Variants in COL24A1 observed in about 807,000 individuals in gnomAD.
COL24A1 encodes collagen alpha-1(XXIV) chain.
In COL24A1, 224 loss-of-function variants were observed where a neutral mutation model predicts 253.9. That is an observed-to-expected ratio of 0.88 (90% CI 0.79 to 0.99). The LOEUF is 0.99. COL24A1 is among the 50% of genes least tolerant of loss of function. The probability of loss-of-function intolerance (pLI) is 0.00; values close to 1 mark genes in which losing one functional copy is unlikely to be tolerated. For synonymous variants in COL24A1, 685 were observed against 673.7 expected (o/e 1.02, Z -0.26); for missense variants, 2,131 against 2,068.5 (o/e 1.03, Z -0.59).
At chr1:85,968,010 G>T (rs1452310563) in intron 22 of COL24A1, among the ~76,000 whole-genome samples, 2 of 152,142 alleles carry the variant, frequency 1.3e-5, no homozygotes, top group Non-Finnish European at 2.9e-5. Context: ...ATATAAAGCA[G>T]GCAGAAACAT....
chr1:86,156,446 A>G lies in COL24A1; in HGVS notation c.-50T>C. ...AAGCGCTAACGGAAAACAGAAGCCAACTCTGAACTGCTTAGGGTGCAGGTA... is the reference window on the plus strand; with the variant it reads ...AAGCGCTAACGGAAAACAGAAGCCAGCTCTGAACTGCTTAGGGTGCAGGTA... On this transcript the variant is annotated 5_prime_UTR_variant, in exon 1 of 60. Coordinates refer to ENST00000370571, the MANE Select transcript of COL24A1 (RefSeq NM_152890.7). 2 of 1,570,416 alleles carry G rather than the reference A, an allele frequency of 1.3e-6. No individual in the cohort carries two copies. The highest frequency in any genetic ancestry group is 1.1e-5 in the South Asian group (1 of 87,712).
At chr1:86,115,599 A>G (rs1706064805) in intron 3 of COL24A1, among the ~76,000 whole-genome samples, 1 of 152,190 alleles carries the variant, frequency 6.6e-6, no homozygotes, top group South Asian at 2.1e-4. Flanking sequence ...CAGGAAGTCT[A>G]TGACTTATGG....
chr1:85,773,645 G>C (rs999981990), intron 53 of COL24A1, among the ~76,000 whole-genome samples: 14 of 108,538 alleles, frequency 1.3e-4, no homozygotes, highest in African/African-American at 4.2e-4. Flanking sequence ...GTGAATGGGA[G>C]TTCACTCATG....
chr1:85,849,557 A>C, intron 37 of COL24A1, 151 bp from the exon 38 acceptor site: 1 of 650,544 alleles, frequency 1.5e-6, no homozygotes. Context: ...GTATCATTTA[A>C]AAAGAGGTCA....
chr1:85,830,476 T>C (rs960408561), intron 43 of COL24A1, among the ~76,000 whole-genome samples: 2 of 152,124 alleles, frequency 1.3e-5, no homozygotes, highest in African/African-American at 4.8e-5. Context: ...GGCTGCTTTG[T>C]TTACCTAAGT....
intron 40 of COL24A1, 94 bp from the exon 41 acceptor site, chr1:85,842,215 G>C: frequency 7.3e-7 from 1 of 1,371,828 alleles, no homozygotes; most frequent in East Asian, 2.3e-5. Context: ...CTGTCTAGGA[G>C]GATGAGACCT....
intron 19 of COL24A1, among the ~76,000 whole-genome samples, chr1:86,008,074 T>A (rs1030535507): frequency 6.6e-5 from 10 of 152,004 alleles, no homozygotes; most frequent in African/African-American, 2.2e-4. Flanking sequence ...ATTTCAAGAA[T>A]GCAAGTTGAG....
In COL24A1 at chr1:85,730,383, C is replaced by A; in HGVS notation, c.*163G>T. 3.2e-6 allele frequency: 2 copies of A among 617,712 alleles called. No individual in the cohort carries two copies. Among genetic ancestry groups the A allele is most frequent in the African/African-American group, 1.8e-5 (1 of 54,346 alleles). 38.3% of individuals were successfully genotyped at this position (617,712 alleles called of 1,614,324 possible). Reference sequence around the variant, plus strand: ...ATCAATCATAGTCCTTTAAAAATGCCTTTTCTCCTTCTTAGGAGGAAGTCT... The same window carrying A: ...ATCAATCATAGTCCTTTAAAAATGCATTTTCTCCTTCTTAGGAGGAAGTCT... On this transcript the variant is annotated 3_prime_UTR_variant, in exon 60 of 60. Coordinates refer to ENST00000370571, the MANE Select transcript of COL24A1 (RefSeq NM_152890.7).
chr1:85,764,001 T>A (rs891872430), intron 53 of COL24A1, among the ~76,000 whole-genome samples: 1 of 152,240 alleles, frequency 6.6e-6, no homozygotes, highest in East Asian at 1.9e-4. Flanking sequence ...AGTATGTTAG[T>A]CTTCCTTTTT....
At chr1:85,973,435 C>T (rs2100789302) in intron 20 of COL24A1, among the ~76,000 whole-genome samples, 1 of 152,056 alleles carries the variant, frequency 6.6e-6, no homozygotes, top group East Asian at 1.9e-4. Flanking sequence ...GAAAAAGGAG[C>T]AAAATCCTTT....
intron 24 of COL24A1, among the ~76,000 whole-genome samples, chr1:85,937,333 C>A (rs1688326447): frequency 6.8e-6 from 1 of 147,626 alleles, no homozygotes; most frequent in African/African-American, 2.5e-5. Flanking sequence ...TAGGTACAGA[C>A]TAATGGAAAT....
chr1:86,117,300 A>T (rs541165367), intron 3 of COL24A1, among the ~76,000 whole-genome samples: 1 of 152,262 alleles, frequency 6.6e-6, no homozygotes, highest in East Asian at 1.9e-4. Context: ...AGTGTCCTGT[A>T]AAAGAGGCAT....
chr1:86,135,393 T>C (rs1042745681), intron 2 of COL24A1, among the ~76,000 whole-genome samples: 5 of 152,182 alleles, frequency 3.3e-5, no homozygotes, highest in South Asian at 4.1e-4. Context: ...CCTGTCATTA[T>C]GATGTTAGCT....
intron 24 of COL24A1, among the ~76,000 whole-genome samples, chr1:85,914,001 T>C (rs1685618901): frequency 6.6e-6 from 1 of 152,224 alleles, no homozygotes; most frequent in Non-Finnish European, 1.5e-5. Flanking sequence ...AGTGAGGGCC[T>C]GCTCCCTGGT....
At chr1:85,961,670 A>C (rs78191858) in intron 23 of COL24A1, among the ~76,000 whole-genome samples, 9,444 of 152,234 alleles carry the variant, frequency 0.062, 611 homozygotes, top group Admixed American at 0.2. Flanking sequence ...AGGTTTAATT[A>C]ACTCACAGTT....
chr1:85,734,570 A>G (rs1281921451), intron 59 of COL24A1, among the ~76,000 whole-genome samples, 179 bp downstream of exon 59: 1 of 152,244 alleles, frequency 6.6e-6, no homozygotes, highest in African/African-American at 2.4e-5. Flanking sequence ...TTGATAAGGT[A>G]TTATATAAAC....
chr1:85,983,917 T>C (rs902322472), intron 20 of COL24A1, among the ~76,000 whole-genome samples: 4 of 151,900 alleles, frequency 2.6e-5, no homozygotes, highest in Middle Eastern at 3.2e-3. Flanking sequence ...GTGATGTGTA[T>C]AACATCAATT....
At chr1:85,734,458 T>C (rs184730192) in intron 59 of COL24A1, among the ~76,000 whole-genome samples, 3 of 152,196 alleles carry the variant, frequency 2.0e-5, no homozygotes, top group Non-Finnish European at 4.4e-5. Flanking sequence ...TATCCATCCA[T>C]CCATCCTGGT....
intron 7 of COL24A1, among the ~76,000 whole-genome samples, chr1:86,076,555 T>C (rs1272370257): frequency 6.6e-6 from 1 of 152,170 alleles, no homozygotes; most frequent in African/African-American, 2.4e-5. Context: ...AAATTTCATA[T>C]GGAAACAAAA....
Sources: allele counts gnomAD v4.1 joint callset (sites outside exome capture counted in the v4.1 genomes callset), GRCh38; gene constraint gnomAD v4.1.1; transcripts MANE v1.5; gene names NCBI Gene and HGNC (gene_info 2026-07-23, HGNC 2026-07-21).